PBX1: variants seen among roughly 807,000 people sequenced by gnomAD.
PBX1 encodes pre-B-cell leukemia transcription factor 1.
PBX1 carries 6 observed loss-of-function variants against 53.4 expected under a neutral mutation model. The observed-to-expected ratio is 0.11, with a 90% CI of 0.06 to 0.22. The LOEUF (loss-of-function observed/expected upper bound fraction) is 0.22. PBX1 is among the 10% of genes least tolerant of loss of function. The pLI is 1.00. For missense variants in PBX1, 251 were observed against 551.4 expected, an observed-to-expected ratio of 0.46 and a Z score of 5.46; for synonymous variants, 204 against 212.3, an observed-to-expected ratio of 0.96 and a Z score of 0.34.
chr1:164,843,050 C>T (rs1165498121), intron 8 of PBX1, among the ~76,000 whole-genome samples: 1 of 151,940 alleles, frequency 6.6e-6, no homozygotes, highest in Non-Finnish European at 1.5e-5. Flanking sequence ...CCAGGGTTAA[C>T]GTGGCAGTAA....
At chr1:164,737,925 T>C (rs1004789253) in intron 2 of PBX1, among the ~76,000 whole-genome samples, 2 of 152,176 alleles carry the variant, frequency 1.3e-5, no homozygotes, top group African/African-American at 2.4e-5. Context: ...CACCCACTGA[T>C]CTGCTTTCTG....
intron 6 of PBX1, 23 bp from the exon 7 acceptor site, chr1:164,820,049 G>C (rs760937075): frequency 4.8e-6 from 7 of 1,444,540 alleles, no homozygotes; most frequent in African/African-American, 1.4e-5. Context: ...TGTGATTCAG[G>C]TGCCTCACTC....
chr1:164,571,614 GACTTCAGTTACTGT>G (rs59780694), intron 2 of PBX1, among the ~76,000 whole-genome samples: 51,313 of 151,448 alleles, frequency 0.34, 11,029 homozygotes, highest in East Asian at 0.72. Flanking sequence ...TTAAGGAATG[GACTTCAGTTACTGT>G]TCACTTAGGT....
intron 2 of PBX1, among the ~76,000 whole-genome samples, chr1:164,747,630 A>G (rs1665967331): frequency 6.6e-6 from 1 of 152,196 alleles, no homozygotes; most frequent in African/African-American, 2.4e-5. Context: ...ATGAAAAGTG[A>G]GTAAAGCAGG....
intron 4 of PBX1, among the ~76,000 whole-genome samples, chr1:164,806,299 TA>T (rs1019511628): frequency 3.3e-5 from 5 of 151,908 alleles, no homozygotes; most frequent in African/African-American, 9.7e-5. Context: ...ATGCTTTTAT[TA>T]AAAAAAAGTG....
At chr1:164,634,222 T>C (rs987594204) in intron 2 of PBX1, among the ~76,000 whole-genome samples, 6 of 152,236 alleles carry the variant, frequency 3.9e-5, no homozygotes, top group Non-Finnish European at 1.5e-5. Context: ...GTGGGGTTTC[T>C]GTGAGGTTTG....
chr1:164,848,266 C>T lies in PBX1; in HGVS notation c.*1590C>T. The T allele has an allele frequency of 9.5e-7, 1 of 1,055,996 alleles. No individual in the cohort carries two copies. The highest frequency in any genetic ancestry group is 4.6e-5 in the South Asian group (1 of 21,882). The allele number at this position is 1,055,996 out of a possible 1,614,324, so 65.4% of individuals were successfully genotyped here. On this transcript the variant is annotated 3_prime_UTR_variant, in exon 9 of 9. Transcript: ENST00000420696. ...AAAAGTCACCTGAGCTCACCATCTT[C>T]ATAGCCAACCCTACCAGTTATAAAG...
intron 2 of PBX1, among the ~76,000 whole-genome samples, chr1:164,582,642 G>T (rs796631616): frequency 2.6e-5 from 4 of 152,030 alleles, no homozygotes; most frequent in African/African-American, 9.7e-5. Flanking sequence ...AGGTTGGTCT[G>T]GAGCTCCTGA....
In PBX1 at chr1:164,848,747, G is replaced by A; in HGVS notation, c.*2071G>A. Reference sequence around the variant, plus strand: ...CTGCTTGGGAGGCTTCCAGGGAGAAGTATGAGACCCTGAGGGGTGAGAATG... The same window carrying A: ...CTGCTTGGGAGGCTTCCAGGGAGAAATATGAGACCCTGAGGGGTGAGAATG... On this transcript the variant is annotated 3_prime_UTR_variant, in exon 9 of 9. Coordinates refer to ENST00000420696, the MANE Select transcript of PBX1 (RefSeq NM_002585.4). 1 of 1,059,392 alleles carries A rather than the reference G, an allele frequency of 9.4e-7. No individual in the cohort carries two copies. The highest frequency in any genetic ancestry group is 1.1e-6 in the Non-Finnish European group (1 of 875,602). The allele number at this position is 1,059,392 out of a possible 1,614,324, so 65.6% of individuals were successfully genotyped here.
At chr1:164,636,888 A>C (rs1466465459) in intron 2 of PBX1, among the ~76,000 whole-genome samples, 1 of 152,156 alleles carries the variant, frequency 6.6e-6, no homozygotes, top group Non-Finnish European at 1.5e-5. Flanking sequence ...ATGTGTGATC[A>C]CTGAAGTGTA....
At chr1:164,885,747 G>A (rs1672762784) in intron 2 of PBX1, among the ~76,000 whole-genome samples, 2 of 151,446 alleles carry the variant, frequency 1.3e-5, no homozygotes, top group Admixed American at 1.3e-4. Context: ...TATCCGCAAA[G>A]GTCACTCTTT....
At chr1:164,636,170 C>T (rs368290977) in intron 2 of PBX1, among the ~76,000 whole-genome samples, 54 of 150,694 alleles carry the variant, frequency 3.6e-4, no homozygotes, top group African/African-American at 1.3e-3. Context: ...TTTTTTTCTC[C>T]TTTTGATCTC....
At chr1:164,598,951 C>A (rs142266607) in intron 2 of PBX1, among the ~76,000 whole-genome samples, 191 of 152,090 alleles carry the variant, frequency 1.3e-3, no homozygotes, top group African/African-American at 4.5e-3. Flanking sequence ...TGTGGCTGAG[C>A]GTTAATTTGA....
At chr1:164,573,969 T>C (rs1654048460) in intron 2 of PBX1, among the ~76,000 whole-genome samples, 2 of 152,326 alleles carry the variant, frequency 1.3e-5, no homozygotes, top group African/African-American at 2.4e-5. Context: ...CCACTCAAAC[T>C]TGAGCTGGTA....
chr1:164,840,129 A>G (rs1247997030), intron 8 of PBX1, among the ~76,000 whole-genome samples: 2 of 152,180 alleles, frequency 1.3e-5, no homozygotes, highest in African/African-American at 4.8e-5. Flanking sequence ...AAAGCTAGGC[A>G]TAAGCTTGGT....
At chr1:164,585,129 T>C (rs1204765827) in intron 2 of PBX1, among the ~76,000 whole-genome samples, 1 of 152,300 alleles carries the variant, frequency 6.6e-6, no homozygotes, top group South Asian at 2.1e-4. Flanking sequence ...AAGAATGGAA[T>C]GGACATCTTT....
intron 2 of PBX1, among the ~76,000 whole-genome samples, chr1:164,771,902 C>T (rs1055314533): frequency 3.9e-5 from 6 of 152,096 alleles, no homozygotes; most frequent in African/African-American, 4.8e-5. Flanking sequence ...GCCTCCAGGC[C>T]GGAAGGGGGG....
chr1:164,572,810 G>A (rs971160152), intron 2 of PBX1, among the ~76,000 whole-genome samples: 1 of 152,196 alleles, frequency 6.6e-6, no homozygotes, highest in Non-Finnish European at 1.5e-5. Context: ...GAAACCACAT[G>A]ACAGAGTGTT....
chr1:164,672,779 C>A (rs1455247779), intron 2 of PBX1, among the ~76,000 whole-genome samples: 1 of 152,200 alleles, frequency 6.6e-6, no homozygotes, highest in African/African-American at 2.4e-5. Context: ...ATACAGATTT[C>A]TGTTTTTGTT....
Sources: allele counts gnomAD v4.1 joint callset (sites outside exome capture counted in the v4.1 genomes callset), GRCh38; gene constraint gnomAD v4.1.1; transcripts MANE v1.5; gene names NCBI Gene and HGNC (gene_info 2026-07-23, HGNC 2026-07-21).